The following DOCK8 variants were observed in gnomAD, a reference collection of about 807,000 sequenced individuals.
DOCK8 encodes dedicator of cytokinesis protein 8.
A neutral mutation model predicts 245.6 loss-of-function variants in DOCK8; 141 were observed. The observed-to-expected ratio is 0.57, with a 90% CI of 0.50 to 0.66. DOCK8 has a LOEUF of 0.66. DOCK8 is among the 30% of genes least tolerant of loss of function. The pLI, the probability that DOCK8 is intolerant of heterozygous loss-of-function variation, is 0.00. For missense variants in DOCK8, 2,965 were observed against 2,603.4 expected (o/e 1.14, Z -3.02); for synonymous variants, 1,168 against 970.2 (o/e 1.20, Z -3.79).
chr9:347,473 T>G (rs557147071), intron 14 of DOCK8, among the ~76,000 whole-genome samples: 1 of 152,204 alleles, frequency 6.6e-6, no homozygotes, highest in East Asian at 1.9e-4. Flanking sequence ...GCCACTGCCC[T>G]CCAGCCTGGG....
intron 2 of DOCK8, chr9:272,814 G>A (rs189516130): frequency 6.5e-6 from 1 of 153,552 alleles, no homozygotes; most frequent in East Asian, 1.9e-4. Flanking sequence ...TGTGTGCCAA[G>A]TGAGATAAAT....
At chr9:432,126 C>G (rs756883549) in intron 36 of DOCK8, 40 bp from the exon 37 acceptor site, 1 of 1,591,830 alleles carries the variant, frequency 6.3e-7, no homozygotes, top group Non-Finnish European at 8.5e-7. Flanking sequence ...CTAAGTGTGT[C>G]TTATTTACTT....
rs369327204 is a variant in DOCK8 at position 443,484 on chromosome 9, C to T, written c.5548C>T (p.Pro1850Ser). 1.2e-5 allele frequency: 19 copies of T among 1,613,914 alleles called. No homozygotes were observed. Among genetic ancestry groups the T allele is most frequent in the Non-Finnish European group, 1.6e-5 (19 of 1,179,996 alleles). The change falls in exon 43 of 48, where the codon CCT becomes TCT. Residue 1850 changes from proline (P) to serine (S), a missense_variant. Around this residue, in one of 3 missense-constraint regions of DOCK8, gnomAD observed 2,825 missense variants for 2,453.5 expected, o/e 1.15. Coordinates refer to ENST00000432829, the MANE Select transcript of DOCK8 (RefSeq NM_203447.4). ...EFVEVIKDST[P>S]VDKTKLDPNK... ...TGTGGAAGTGATTAAAGACTCCACT[C>T]CTGTGGACAAAACCAAGTTGGATCC... is the stretch of plus-strand genomic sequence containing the variant.
At chr9:434,341 C>G (rs1333444454) in intron 38 of DOCK8, among the ~76,000 whole-genome samples, 3 of 152,134 alleles carry the variant, frequency 2.0e-5, no homozygotes, top group Admixed American at 6.5e-5. Flanking sequence ...CTTTAGAAAT[C>G]ATTTTTTACG....
chr9:213,788 G>C (rs971262277), upstream of DOCK8: 2 of 151,566 alleles, frequency 1.3e-5, no homozygotes, highest in African/African-American at 4.8e-5. Context: ...GGAGTGCAGT[G>C]GCAGATCTCG....
At chr9:441,675 A>G (rs777600613) in intron 41 of DOCK8, among the ~76,000 whole-genome samples, 200 bp from the exon 42 acceptor site, 3 of 152,212 alleles carry the variant, frequency 2.0e-5, no homozygotes, top group Non-Finnish European at 2.9e-5. Flanking sequence ...AGTCCCAGAA[A>G]TCTTTCATGG....
At chr9:211,986 G>A (rs1464865640), upstream of DOCK8, among the ~76,000 whole-genome samples, 1 of 152,148 alleles carries the variant, frequency 6.6e-6, no homozygotes, top group Non-Finnish European at 1.5e-5. Context: ...GTTTGAAGAT[G>A]TTAGAGTACA....
chr9:328,265 TC>T, intron 9 of DOCK8, 94 bp downstream of exon 9: 1 of 1,431,820 alleles, frequency 7.0e-7, no homozygotes, highest in African/African-American at 1.4e-5. Context: ...TCAGAATGTG[TC>T]CACATATCCT....
At chr9:460,928 T>C (rs2057784297) in intron 46 of DOCK8, among the ~76,000 whole-genome samples, 1 of 152,394 alleles carries the variant, frequency 6.6e-6, no homozygotes, top group African/African-American at 2.4e-5. Flanking sequence ...CCACGTCTTA[T>C]TCATTTGAAG....
intron 24 of DOCK8, 114 bp from the exon 25 acceptor site, chr9:396,671 A>C: frequency 4.2e-6 from 6 of 1,427,682 alleles, no homozygotes; most frequent in Non-Finnish European, 5.9e-6. Flanking sequence ...GCACAGATAA[A>C]GTGTCAGAAA....
chr9:311,901 C>G (rs2050130318), intron 5 of DOCK8, 53 bp from the exon 6 acceptor site: 2 of 1,601,714 alleles, frequency 1.2e-6, no homozygotes, highest in African/African-American at 2.7e-5. Flanking sequence ...TTCTTCGGTT[C>G]TCATTTTAGA....
intron 14 of DOCK8, among the ~76,000 whole-genome samples, chr9:363,010 G>C (rs745540262): frequency 6.6e-6 from 1 of 152,170 alleles, no homozygotes; most frequent in Non-Finnish European, 1.5e-5. Context: ...AACCCCCAGA[G>C]CTGCTCAATT....
intron 2 of DOCK8, among the ~76,000 whole-genome samples, chr9:282,311 T>G (rs925595186): frequency 3.9e-5 from 6 of 152,102 alleles, no homozygotes; most frequent in Non-Finnish European, 7.4e-5. Context: ...TCTCCCTGGA[T>G]AGTCTCTCCT....
intron 1 of DOCK8, among the ~76,000 whole-genome samples, chr9:268,425 G>C (rs1207028864): frequency 6.6e-6 from 1 of 152,202 alleles, no homozygotes; most frequent in Non-Finnish European, 1.5e-5. Flanking sequence ...AAGGGCTAGA[G>C]AGCAGGAACA....
chr9:292,100 G>A (rs892451891), intron 4 of DOCK8, among the ~76,000 whole-genome samples: 2 of 139,354 alleles, frequency 1.4e-5, no homozygotes, highest in Non-Finnish European at 1.5e-5. Context: ...AGCCAGGCAC[G>A]GTGCTCATGC....
chr9:399,027 C>T (rs1417983399), intron 25 of DOCK8, 119 bp from the exon 26 acceptor site: 3 of 907,252 alleles, frequency 3.3e-6, no homozygotes, highest in Admixed American at 2.0e-5. Flanking sequence ...CCCAGTGCCA[C>T]CCAGAAGGAC....
At position 289,502 on chromosome 9, in the gene DOCK8, C is replaced by G; in HGVS notation, c.333-8C>G. 6.2e-7 allele frequency: 1 copy of G among 1,612,212 alleles called. No homozygotes were observed. Among genetic ancestry groups the G allele is most frequent in the Non-Finnish European group, 8.5e-7 (1 of 1,178,548 alleles). ...ATAACGTGTTTATTTCATTTTCTAC[C>G]TCATTAGGGTTGAACTGGACCCTCA... On this transcript the variant is annotated splice_polypyrimidine_tract_variant and splice_region_variant and intron_variant, in intron 3 of 47. Transcript: ENST00000432829.
At chr9:287,999 C>T (rs989506592) in intron 3 of DOCK8, among the ~76,000 whole-genome samples, 5 of 151,320 alleles carry the variant, frequency 3.3e-5, no homozygotes. Context: ...AATAGTGAGA[C>T]CCTGTTTCTT....
At chr9:389,376 G>C (rs1328804522) in intron 23 of DOCK8, among the ~76,000 whole-genome samples, 1 of 152,166 alleles carries the variant, frequency 6.6e-6, no homozygotes, top group African/African-American at 2.4e-5. Context: ...GTGGAGCTGG[G>C]GGACTTTCCA....
Sources: allele counts gnomAD v4.1 joint callset (sites outside exome capture counted in the v4.1 genomes callset), GRCh38; gene constraint gnomAD v4.1.1; regional missense constraint gnomAD v4.1.1; transcripts MANE v1.5; gene names NCBI Gene and HGNC (gene_info 2026-07-23, HGNC 2026-07-21).